MNAT1: variants seen among roughly 807,000 people sequenced by gnomAD.
MNAT1 encodes the protein CDK-activating kinase assembly factor MAT1.
Under a neutral mutation model 42.0 loss-of-function variants are expected in MNAT1, and 43 were observed. The ratio of observed to expected loss-of-function variants is 1.02; its 90% CI spans 0.80 to 1.32. The LOEUF is 1.32. Among genes scored for constraint, MNAT1 ranks in the 40% most tolerant of loss-of-function variants. The pLI is 0.00. For missense variants in MNAT1, 306 were observed against 350.4 expected (o/e 0.87, Z 1.01); for synonymous variants, 118 against 120.0 (o/e 0.98, Z 0.11).
chr14:60,743,313 G>A lies in MNAT1; in HGVS notation c.89+8362G>A, dbSNP rs894188965. Among the ~76,000 whole-genome samples, 4 of 151,580 alleles carry A rather than the reference G, an allele frequency of 2.6e-5. No homozygotes were observed. The South Asian group carries it at 6.2e-4, about 24-fold the overall frequency. On this transcript the variant is annotated intron_variant, in intron 1 of 7. Coordinates refer to ENST00000261245, the MANE Select transcript of MNAT1 (RefSeq NM_002431.4). ...AGCATTTCTTTTTTTTTTTGAGACG[G>A]AGTCTTGCTCTGTCGCCCAGGCTGG...
At chr14:60,813,955 G>T (rs2032635266) in intron 5 of MNAT1, among the ~76,000 whole-genome samples, 1 of 152,030 alleles carries the variant, frequency 6.6e-6, no homozygotes, top group Admixed American at 6.6e-5. Context: ...TTTTTAAAAA[G>T]ATTTTTGTTT....
chr14:60,814,782 G>A (rs1186163874), intron 5 of MNAT1, among the ~76,000 whole-genome samples: 1 of 152,094 alleles, frequency 6.6e-6, no homozygotes, highest in African/African-American at 2.4e-5. Context: ...CTAAAAATGA[G>A]GACACCAGCA....
intron 7 of MNAT1, among the ~76,000 whole-genome samples, chr14:60,923,500 A>C (rs2035704308): frequency 6.6e-6 from 1 of 152,196 alleles, no homozygotes; most frequent in African/African-American, 2.4e-5. Context: ...TATACTTTAC[A>C]TTAATACTTT....
rs115088980 is a variant in MNAT1 at position 60,763,524 on chromosome 14, A to T, written c.89+28573A>T. Among the ~76,000 whole-genome samples, 646 of 152,134 alleles carry T rather than the reference A, an allele frequency of 4.2e-3. 10 individuals are homozygous for T. Among genetic ancestry groups the T allele is most frequent in the African/African-American group, 0.015 (619 of 41,510 alleles). On this transcript the variant is annotated intron_variant, in intron 1 of 7. Transcript: ENST00000261245. ...CTGACTAAAGCATTTTATGTATTGG[A>T]CTCCATTGTAATTTAGTAAGGTTAG...
intron 3 of MNAT1, among the ~76,000 whole-genome samples, chr14:60,805,659 A>T (rs1185276798): frequency 2.6e-5 from 4 of 152,216 alleles, no homozygotes; most frequent in Non-Finnish European, 5.9e-5. Flanking sequence ...ATCATACAGT[A>T]TGTAGCCTTT....
intron 6 of MNAT1, among the ~76,000 whole-genome samples, chr14:60,846,758 T>C (rs1163606273): frequency 6.6e-6 from 1 of 152,224 alleles, no homozygotes; most frequent in African/African-American, 2.4e-5. Flanking sequence ...ACTTATGTTA[T>C]GGCCAAATAT....
intron 6 of MNAT1, among the ~76,000 whole-genome samples, chr14:60,875,343 A>C (rs1298308702): frequency 6.6e-6 from 1 of 152,104 alleles, no homozygotes; most frequent in African/African-American, 2.4e-5. Flanking sequence ...GTGACCTTAG[A>C]AAAATTTACA....
chr14:60,747,999 A>G (rs1303972792), intron 1 of MNAT1, among the ~76,000 whole-genome samples: 4 of 152,120 alleles, frequency 2.6e-5, no homozygotes, highest in Admixed American at 6.5e-5. Context: ...GATCGAGACC[A>G]TCCTGGCTAA....
intron 3 of MNAT1, among the ~76,000 whole-genome samples, chr14:60,800,213 C>G (rs1461311327): frequency 2.6e-5 from 4 of 152,006 alleles, no homozygotes; most frequent in Non-Finnish European, 5.9e-5. Flanking sequence ...TTGTAAAACT[C>G]TAGAAGGATT....
At chr14:60,806,722 T>C (rs1373583561) in intron 3 of MNAT1, among the ~76,000 whole-genome samples, 1 of 152,162 alleles carries the variant, frequency 6.6e-6, no homozygotes, top group African/African-American at 2.4e-5. Context: ...TCCAAGCTAC[T>C]TGGGAGGCTG....
chr14:60,783,146 T>G lies in MNAT1; in HGVS notation c.90-13071T>G, dbSNP rs139689156. ...ATTCATTGTCAAGTGGGTCTAAGCT[T>G]TCTAATAAGACCTGTTGGTTTGAAT... On this transcript the variant is annotated intron_variant, in intron 1 of 7. Transcript: ENST00000261245. 1.4e-4 allele frequency among the ~76,000 whole-genome samples: 21 copies of G among 152,290 alleles called. 1 individual carries two copies. In the East Asian group the frequency reaches 4.1e-3, roughly 29 times the overall value.
At chr14:60,929,364 C>T (rs1000721716) in intron 7 of MNAT1, among the ~76,000 whole-genome samples, 20 of 151,262 alleles carry the variant, frequency 1.3e-4, no homozygotes, top group Admixed American at 1.2e-3. Context: ...TTTGCCTAAC[C>T]AAAGGCCAAG....
At chr14:60,786,400 C>T (rs2031652214) in intron 1 of MNAT1, among the ~76,000 whole-genome samples, 1 of 151,956 alleles carries the variant, frequency 6.6e-6, no homozygotes, top group Non-Finnish European at 1.5e-5. Flanking sequence ...TTCATTTGTT[C>T]ATTATAAGCA....
In MNAT1 at chr14:60,864,599, T is replaced by A. The variant is rs536388302; in HGVS notation, c.688-15115T>A. Among the ~76,000 whole-genome samples, 78 of 152,166 alleles carry A rather than the reference T, an allele frequency of 5.1e-4. 3 individuals carry two copies. The South Asian group carries it at 0.016, about 32-fold the overall frequency. The stretch of plus-strand genomic sequence containing the variant: ...AGTAGATGTTCAGTAAATATTTCTG[T>A]ATCATTTTAGTGCAATTGCACTGTT... On this transcript the variant is annotated intron_variant, in intron 6 of 7. Transcript: ENST00000261245.
intron 1 of MNAT1, among the ~76,000 whole-genome samples, chr14:60,748,874 TATC>T (rs576617646): frequency 8.1e-4 from 124 of 152,320 alleles, no homozygotes; most frequent in Non-Finnish European, 1.5e-3. Context: ...AGTCATTTAT[TATC>T]ATTATTAACT....
intron 7 of MNAT1, among the ~76,000 whole-genome samples, chr14:60,902,169 CA>C (rs1369074141): frequency 6.6e-6 from 1 of 152,130 alleles, no homozygotes; most frequent in African/African-American, 2.4e-5. Flanking sequence ...CTTTCATCAG[CA>C]AAAAGATTAG....
intron 6 of MNAT1, among the ~76,000 whole-genome samples, chr14:60,859,343 C>G (rs942042652): frequency 5.3e-5 from 8 of 152,102 alleles, no homozygotes; most frequent in Non-Finnish European, 1.0e-4. Flanking sequence ...AATATTATGT[C>G]TACTTCTGAG....
In MNAT1 at chr14:60,863,965, G is replaced by A. The variant is rs566711156; in HGVS notation, c.688-15749G>A. ...TTACTAAACTGGTTCATATTTCAAA[G>A]GATATGCAGTTTAACATTCATTAAC... On this transcript the variant is annotated intron_variant, in intron 6 of 7. Transcript: ENST00000261245. Among the ~76,000 whole-genome samples, 65 of 152,112 alleles carry A rather than the reference G, an allele frequency of 4.3e-4. 1 individual carries two copies. The highest frequency in any genetic ancestry group is 1.5e-3 in the African/African-American group (63 of 41,544).
intron 6 of MNAT1, among the ~76,000 whole-genome samples, chr14:60,845,297 C>G (rs2033654831): frequency 6.6e-6 from 1 of 151,770 alleles, no homozygotes. Context: ...AAAAAATCTA[C>G]TCAGCTTTTC....
Sources: allele counts gnomAD v4.1 joint callset (sites outside exome capture counted in the v4.1 genomes callset), GRCh38; gene constraint gnomAD v4.1.1; transcripts MANE v1.5; gene names NCBI Gene and HGNC (gene_info 2026-07-23, HGNC 2026-07-21).